The following FGF10 variants were observed in gnomAD, a reference collection of about 807,000 sequenced individuals.
FGF10 encodes FGF-10.
FGF10 carries 2 observed loss-of-function variants against 19.8 expected under a neutral mutation model. That is an observed-to-expected ratio of 0.10 (90% CI 0.04 to 0.32). The LOEUF (loss-of-function observed/expected upper bound fraction) is 0.32, where lower values mean the gene tolerates loss of function less well. Ranked by LOEUF, FGF10 falls within the 10% of genes least tolerant of loss-of-function variation. The probability of loss-of-function intolerance (pLI) is 1.00; values close to 1 mark genes in which losing one functional copy is unlikely to be tolerated. For synonymous variants in FGF10, 112 were observed against 94.0 expected (o/e 1.19, Z -1.10); for missense variants, 191 against 246.3 (o/e 0.78, Z 1.50).
intron 1 of FGF10, among the ~76,000 whole-genome samples, chr5:44,353,963 T>A (rs1401395690): frequency 6.6e-6 from 1 of 151,530 alleles, no homozygotes; most frequent in Non-Finnish European, 1.5e-5. Context: ...TTTCCTCTAT[T>A]TTTTTCTTTC....
chr5:44,319,390 T>C (rs555890634), intron 1 of FGF10, among the ~76,000 whole-genome samples: 1 of 152,276 alleles, frequency 6.6e-6, no homozygotes, highest in Non-Finnish European at 1.5e-5. Context: ...TAATATAGAG[T>C]ATCTTTTCTC....
intron 1 of FGF10, among the ~76,000 whole-genome samples, chr5:44,376,513 A>AAC (rs1561219518): frequency 2.2e-5 from 3 of 135,492 alleles, no homozygotes; most frequent in African/African-American, 9.3e-5. Flanking sequence ...AAAAAAAAAA[A>AAC]AAAACAAAAA....
intron 1 of FGF10, among the ~76,000 whole-genome samples, chr5:44,383,937 T>G (rs1475804034): frequency 6.6e-6 from 1 of 152,122 alleles, no homozygotes. Context: ...TCTCACTTCA[T>G]TTAGCTTCCT....
chr5:44,369,045 G>A (rs1002040667), intron 1 of FGF10, among the ~76,000 whole-genome samples: 1 of 151,962 alleles, frequency 6.6e-6, no homozygotes, highest in Non-Finnish European at 1.5e-5. Context: ...TGAATTATAT[G>A]GAATATGAAT....
intron 1 of FGF10, among the ~76,000 whole-genome samples, chr5:44,374,913 T>A (rs1321006086): frequency 6.6e-6 from 1 of 152,114 alleles, no homozygotes; most frequent in Non-Finnish European, 1.5e-5. Context: ...TTTTAATGAA[T>A]TTAAGTACTT....
At chr5:44,320,300 C>T (rs1289275454) in intron 1 of FGF10, among the ~76,000 whole-genome samples, 1 of 152,112 alleles carries the variant, frequency 6.6e-6, no homozygotes, top group Non-Finnish European at 1.5e-5. Context: ...TAATTTAGTC[C>T]ATGTATGGCC....
intron 1 of FGF10, among the ~76,000 whole-genome samples, chr5:44,353,129 G>T (rs1741272380): frequency 6.6e-6 from 1 of 151,536 alleles, no homozygotes; most frequent in African/African-American, 2.4e-5. Context: ...GATTATGCAG[G>T]TAAATTTCCT....
At position 44,349,473 on chromosome 5, in the gene FGF10, AATATATATATATATCAGAAT is replaced by A. The variant is rs1741185852; in HGVS notation, c.325+38865_325+38884del. Among the ~76,000 whole-genome samples, 5 of 23,230 alleles carry A rather than the reference AATATATATATATATCAGAAT, an allele frequency of 2.2e-4. No individual in the cohort carries two copies. In the South Asian group the frequency reaches 5.1e-3, roughly 24 times the overall value. The allele number at this position is 23,230 out of a possible 152,430, so 15.2% of individuals were successfully genotyped here. On this transcript the variant is annotated intron_variant, in intron 1 of 2. Transcript: ENST00000264664. Reference sequence around the variant, plus strand: ...ATATATATATATATATATATATCAGAATATATATATATATCAGAATATATATATATGTGTGTGTGTATATA... The same window carrying A: ...ATATATATATATATATATATATCAGAATATATATATGTGTGTGTGTATATA...
chr5:44,380,285 T>C (rs1169888092), intron 1 of FGF10, among the ~76,000 whole-genome samples: 2 of 152,230 alleles, frequency 1.3e-5, no homozygotes, highest in Non-Finnish European at 2.9e-5. Context: ...ACTTTTATTA[T>C]TATTAAAACA....
At chr5:44,358,029 G>A (rs953798380) in intron 1 of FGF10, among the ~76,000 whole-genome samples, 6 of 151,378 alleles carry the variant, frequency 4.0e-5, no homozygotes, top group Non-Finnish European at 7.4e-5. Context: ...GGAGTCTTGA[G>A]GGGGGCAAGG....
At chr5:44,346,926 AGC>A (rs1741103113) in intron 1 of FGF10, among the ~76,000 whole-genome samples, 1 of 151,836 alleles carries the variant, frequency 6.6e-6, no homozygotes, top group Non-Finnish European at 1.5e-5. Flanking sequence ...GTTCTAGCAC[AGC>A]ATCTTATTTT....
intron 1 of FGF10, among the ~76,000 whole-genome samples, chr5:44,348,036 T>C (rs1416551647): frequency 6.6e-6 from 1 of 151,704 alleles, no homozygotes; most frequent in African/African-American, 2.4e-5. Flanking sequence ...TGCTATAAAA[T>C]GTAAATAGAA....
At chr5:44,324,314 A>G (rs533332837) in intron 1 of FGF10, among the ~76,000 whole-genome samples, 4 of 152,144 alleles carry the variant, frequency 2.6e-5, no homozygotes, top group Non-Finnish European at 5.9e-5. Flanking sequence ...ATATATATCC[A>G]AGCCATGTTA....
At chr5:44,318,220 C>G (rs1201791118) in intron 1 of FGF10, among the ~76,000 whole-genome samples, 1 of 152,070 alleles carries the variant, frequency 6.6e-6, no homozygotes, top group Non-Finnish European at 1.5e-5. Flanking sequence ...GAAAAGAAGC[C>G]TGAACGATTA....
chr5:44,328,470 T>C (rs1740661736), intron 1 of FGF10, among the ~76,000 whole-genome samples: 1 of 152,214 alleles, frequency 6.6e-6, no homozygotes, highest in East Asian at 1.9e-4. Context: ...TTTTAAAAAG[T>C]CTAATGGTCG....
At chr5:44,307,500 A>T (rs1325876143) in intron 2 of FGF10, among the ~76,000 whole-genome samples, 3 of 152,214 alleles carry the variant, frequency 2.0e-5, no homozygotes, top group Admixed American at 1.3e-4. Flanking sequence ...TACAATAGAT[A>T]AATTGCTTAG....
intron 1 of FGF10, among the ~76,000 whole-genome samples, chr5:44,336,991 T>C (rs747375862): frequency 6.6e-6 from 1 of 152,032 alleles, no homozygotes. Context: ...AGATCCTATA[T>C]TCCCTGACAG....
rs1021711661 is a variant in FGF10, at chr5:44,327,245, G to A, written c.326-16715C>T. The stretch of plus-strand genomic sequence containing the variant: ...CACTGACAATATTTGATGTTTACTG[G>A]GTATAAAAGCCATCTACGAAACATA... On this transcript the variant is annotated intron_variant, in intron 1 of 2. Coordinates refer to ENST00000264664, the MANE Select transcript of FGF10 (RefSeq NM_004465.2). Among the ~76,000 whole-genome samples, 4 of 152,044 alleles carry A rather than the reference G, an allele frequency of 2.6e-5. No individual in the cohort carries two copies. In the East Asian group the frequency reaches 5.8e-4, roughly 22 times the overall value.
At chr5:44,305,410 T>G (rs1740053334) in intron 2 of FGF10, among the ~76,000 whole-genome samples, 1 of 152,188 alleles carries the variant, frequency 6.6e-6, no homozygotes, top group Admixed American at 6.6e-5. Context: ...TAATTGATCA[T>G]CATAGCCACT....
Sources: gnomAD v4.1 joint callset for allele counts (sites outside exome capture counted in the v4.1 genomes callset) on GRCh38, gnomAD v4.1.1 for gene constraint, MANE v1.5 for transcripts, NCBI Gene and HGNC (gene_info 2026-07-23, HGNC 2026-07-21) for gene names.